RNF213: variants seen among roughly 807,000 people sequenced by gnomAD.
RNF213 encodes ring finger protein 213.
A neutral mutation model predicts 514.4 loss-of-function variants in RNF213; 341 were observed. That is an observed-to-expected ratio of 0.66 (90% CI 0.61 to 0.73). The LOEUF (loss-of-function observed/expected upper bound fraction) is 0.73, where lower values mean the gene tolerates loss of function less well. Ranked by LOEUF, RNF213 falls within the 30% of genes least tolerant of loss-of-function variation. RNF213 has a pLI of 0.00. For synonymous variants in RNF213, 2,655 were observed against 2,658.2 expected (o/e 1.00, Z 0.04); for missense variants, 5,767 against 6,615.6 (o/e 0.87, Z 4.45).
rs1334408870 is a variant in RNF213 at position 80,263,968 on chromosome 17, C to G, written c.97+190C>G. On this transcript the variant is annotated intron_variant, in intron 2 of 67. Coordinates refer to ENST00000582970, the MANE Select transcript of RNF213 (RefSeq NM_001256071.3). The surrounding 1 kb of genome is among the most constrained non-coding windows in gnomAD (Gnocchi z 4.9). ...GACCACAGAGTCTGTTTTGGGGTGGCATAGATTAGTCTCCCACACAGGTCA... is the reference window on the plus strand; with the variant it reads ...GACCACAGAGTCTGTTTTGGGGTGGGATAGATTAGTCTCCCACACAGGTCA... Among the ~76,000 whole-genome samples the G allele has an allele frequency of 6.6e-6, 1 of 152,142 alleles. No individual in the cohort carries two copies. The highest frequency in any genetic ancestry group is 1.5e-5 in the Non-Finnish European group (1 of 68,018).
At chr17:80,323,971 G>A (rs1027777215) in intron 17 of RNF213, among the ~76,000 whole-genome samples, 5 of 152,070 alleles carry the variant, frequency 3.3e-5, no homozygotes, top group Admixed American at 2.6e-4. Flanking sequence ...AGCTCAAATT[G>A]TGTGTGCGTG....
rs1467652406 is a variant in RNF213, at chr17:80,369,503, G to A, written c.12157G>A (p.Glu4053Lys). Reference protein sequence around the residue: ...FSPAVSQAHREAIEKHARFRQ... With the variant: ...FSPAVSQAHRKAIEKHARFRQ... ...GTCTTCTGTTTCTCGTGTTCTAAGG[G>A]AAGCCATTGAAAAGCATGCCCGCTT... Residue 4053 changes from glutamate to lysine, a missense_variant and splice_region_variant, in exon 45 of 68, where the codon GAA (glutamate) becomes AAA (lysine). Glu to Lys is a moderately conservative substitution (Grantham distance 56). This residue lies in a region of RNF213 where 93 missense variants were observed against 95.6 expected (regional missense o/e 0.97). Transcript: ENST00000582970. The A allele has an allele frequency of 5.6e-6, 9 of 1,613,248 alleles. No homozygotes were observed. The highest frequency in any genetic ancestry group is 1.1e-5 in the South Asian group (1 of 91,038).
chr17:80,359,236 A>G (rs2078949533), intron 37 of RNF213, among the ~76,000 whole-genome samples: 1 of 152,000 alleles, frequency 6.6e-6, no homozygotes, highest in Admixed American at 6.5e-5. Context: ...GAATATAGAA[A>G]TAAATGTGCC....
intron 63 of RNF213, among the ~76,000 whole-genome samples, chr17:80,387,953 ATTTTTT>A (rs35624579): frequency 8.1e-5 from 9 of 111,342 alleles, no homozygotes; most frequent in South Asian, 5.3e-4. Flanking sequence ...GAGCCCATGG[ATTTTTT>A]TTTTTTTTTT....
chr17:80,378,013 G>A (rs767675573), intron 54 of RNF213, among the ~76,000 whole-genome samples: 3 of 152,294 alleles, frequency 2.0e-5, no homozygotes, highest in South Asian at 2.1e-4. Flanking sequence ...GTGGCTCTGC[G>A]GCGTGGGCTG....
chr17:80,344,885 C>T lies in RNF213; in HGVS notation c.6550C>T (p.Gln2184Ter). 1 of 1,614,174 alleles carries T rather than the reference C, an allele frequency of 6.2e-7. No individual in the cohort carries two copies. Among genetic ancestry groups the T allele is most frequent in the Non-Finnish European group, 8.5e-7 (1 of 1,180,030 alleles). The part of the protein sequence containing the change: ...FNQNQDLDTF[Q>*]YQEGSVEGTP... ...TCAAAACCAAGACCTAGACACGTTTCAGTATCAAGAAGGCTCTGTCGAAGG... is the reference window on the plus strand; with the variant it reads ...TCAAAACCAAGACCTAGACACGTTTTAGTATCAAGAAGGCTCTGTCGAAGG... The change falls in exon 29 of 68, where the codon CAG (glutamine) becomes TAG (stop). Residue 2184 changes from glutamine (Q) to a stop codon, truncating the protein, a stop_gained. Transcript: ENST00000582970. LOFTEE classifies it high-confidence loss of function.
Position 80,353,182 on chromosome 17 carries a change from C to T in RNF213, c.10423+123C>T. 2.2e-6 allele frequency: 3 copies of T among 1,339,250 alleles called. No individual in the cohort carries two copies. Among genetic ancestry groups the T allele is most frequent in the East Asian group, 2.3e-5 (1 of 42,756 alleles). 83.0% of individuals were successfully genotyped at this position (1,339,250 alleles called of 1,614,324 possible). A position where few individuals can be genotyped will look rare whatever the true frequency, so the allele number is the denominator to read the frequency against. ...CGTGTTTCGTCCCTCGGCAGGAGCTCGGGGACACATCTGCAGAACTGACTG... is the reference window on the plus strand; with the variant it reads ...CGTGTTTCGTCCCTCGGCAGGAGCTTGGGGACACATCTGCAGAACTGACTG... On this transcript the variant is annotated intron_variant, in intron 33 of 67. Coordinates refer to ENST00000582970, the MANE Select transcript of RNF213 (RefSeq NM_001256071.3). The surrounding 1 kb of genome is among the most constrained non-coding windows in gnomAD (Gnocchi z 5.0).
rs146447798 is a variant in RNF213 at position 80,308,857 on chromosome 17, G to A, written c.2502-161G>A. Among the ~76,000 whole-genome samples, 12 of 152,268 alleles carry A rather than the reference G, an allele frequency of 7.9e-5. No homozygotes were observed. In the East Asian group the frequency reaches 2.3e-3, roughly 29 times the overall value. Reference sequence around the variant, plus strand: ...TGCTTCCTTTTTATCTTAGTCACAAGTTCAGGACTGACTGAGATTTTCCAG... The same window carrying A: ...TGCTTCCTTTTTATCTTAGTCACAAATTCAGGACTGACTGAGATTTTCCAG... On this transcript the variant is annotated intron_variant, in intron 13 of 67. Coordinates refer to ENST00000582970, the MANE Select transcript of RNF213 (RefSeq NM_001256071.3).
chr17:80,391,469 C>T (rs935839517), intron 67 of RNF213, among the ~76,000 whole-genome samples: 5 of 152,042 alleles, frequency 3.3e-5, no homozygotes, highest in African/African-American at 7.2e-5. Context: ...GACGGGGTTT[C>T]TCCACGTGGC....
intron 28 of RNF213, 72 bp from the exon 29 acceptor site, chr17:80,344,606 G>A: frequency 1.3e-6 from 2 of 1,533,844 alleles, no homozygotes; most frequent in Non-Finnish European, 1.8e-6. Flanking sequence ...AGATAACGTG[G>A]AGGGTTAAGA....
In RNF213 at chr17:80,298,427, C is replaced by A. The variant is rs149686155; in HGVS notation, c.2119C>A (p.Arg707=). 2 of 1,614,142 alleles carry A rather than the reference C, an allele frequency of 1.2e-6. No homozygotes were observed. The highest frequency in any genetic ancestry group is 2.2e-5 in the South Asian group (2 of 91,078). ...VLHCCMELAP[R]HKDAWRQPED... Reference sequence around the variant, plus strand: ...GCACTGCTGTATGGAGCTGGCCCCGCGGCACAAGGATGCCTGGAGACAGCC... The same window carrying A: ...GCACTGCTGTATGGAGCTGGCCCCGAGGCACAAGGATGCCTGGAGACAGCC... The change falls in exon 11 of 68, where the codon CGG becomes AGG. Residue 707 remains arginine, a synonymous_variant. Coordinates refer to ENST00000582970, the MANE Select transcript of RNF213 (RefSeq NM_001256071.3).
intron 23 of RNF213, chr17:80,336,817 C>G (rs112723210): frequency 1.5e-5 from 5 of 323,804 alleles, no homozygotes; most frequent in African/African-American, 4.3e-5. Flanking sequence ...GACAGAATTG[C>G]TTGAACCCGG....
intron 39 of RNF213, among the ~76,000 whole-genome samples, chr17:80,362,512 C>T (rs1386508180): frequency 6.6e-6 from 1 of 152,234 alleles, no homozygotes; most frequent in African/African-American, 2.4e-5. Flanking sequence ...TTTTAGATAT[C>T]ATGTTTACGT....
At position 80,278,351 on chromosome 17, in the gene RNF213, G is replaced by A. The variant is rs534496333; in HGVS notation, c.261+4947G>A. ...GGCCTGGCCTGGCTGGCCCTGGGGT[G>A]CCCGGGCCTGCCTATACCTTCTGGG... is the stretch of plus-strand genomic sequence containing the variant. On this transcript the variant is annotated intron_variant, in intron 3 of 67. Coordinates refer to ENST00000582970, the MANE Select transcript of RNF213 (RefSeq NM_001256071.3). Among the ~76,000 whole-genome samples the A allele has an allele frequency of 3.7e-3, 568 of 152,358 alleles. 4 individuals carry two copies. Among genetic ancestry groups the A allele is most frequent in the Non-Finnish European group, 5.1e-3 (348 of 68,038 alleles).
chr17:80,336,301 G>T lies in RNF213; in HGVS notation c.4450G>T (p.Asp1484Tyr), dbSNP rs559796330. 6.5e-7 allele frequency: 1 copy of T among 1,537,260 alleles called. No homozygotes were observed. Among genetic ancestry groups the T allele is most frequent in the African/African-American group, 1.4e-5 (1 of 73,182 alleles). Residue 1484 changes from aspartate (D) to tyrosine (Y), a missense_variant, in exon 23 of 68, where the codon GAC (aspartate) becomes TAC (tyrosine). Asp to Tyr is a radical substitution (Grantham distance 160, BLOSUM62 -3). Coordinates refer to ENST00000582970, the MANE Select transcript of RNF213 (RefSeq NM_001256071.3). ...GCTATTTAAGCTGGACCCCAGCGTGGACTTCAGTGCATTCATGAAGCATCT... is the reference window on the plus strand; with the variant it reads ...GCTATTTAAGCTGGACCCCAGCGTGTACTTCAGTGCATTCATGAAGCATCT... The part of the protein sequence containing the change: ...SLLFKLDPSV[D>Y]FSAFMKHLKK...
At chr17:80,327,791 T>TTAA in intron 18 of RNF213, 25 bp from the exon 19 acceptor site, 1 of 1,526,468 alleles carries the variant, frequency 6.6e-7, no homozygotes, top group South Asian at 1.2e-5. Flanking sequence ...GCCCACTGTG[T>TTAA]TAACTGTGTT....
chr17:80,345,648 G>A lies in RNF213; in HGVS notation c.7313G>A (p.Arg2438His), dbSNP rs148213205. Residue 2438 changes from arginine (R) to histidine (H), a missense_variant, in exon 29 of 68, where the codon CGT becomes CAT. By Grantham distance (29) the Arg-to-His change is conservative (BLOSUM62 0). This residue lies in a region of RNF213 where 1,377 missense variants were observed against 1,635.2 expected (regional missense o/e 0.84). Transcript: ENST00000582970. The surrounding 1 kb of genome is among the most constrained non-coding windows in gnomAD (Gnocchi z 6.0). ...ATTAAATTCCTTAGCGACCTGCGGC[G>A]TGGTGGTACCAATGCTGACACCATA... ...RLIKFLSDLR[R>H]GGTNADTIKL... 73 of 1,614,220 alleles carry A rather than the reference G, an allele frequency of 4.5e-5. No homozygotes were observed. Among genetic ancestry groups the A allele is most frequent in the African/African-American group, 2.3e-4 (17 of 75,056 alleles).
intron 8 of RNF213, among the ~76,000 whole-genome samples, chr17:80,292,409 CAGA>C (rs1274435611): frequency 6.6e-6 from 1 of 152,154 alleles, no homozygotes; most frequent in Non-Finnish European, 1.5e-5. Flanking sequence ...AAAACGAAGC[CAGA>C]AGAAGGGCTG....
At chr17:80,267,334 G>A (rs780417520) in intron 2 of RNF213, among the ~76,000 whole-genome samples, 7 of 151,940 alleles carry the variant, frequency 4.6e-5, no homozygotes, top group Non-Finnish European at 8.8e-5. Flanking sequence ...CCAGCTACTC[G>A]GGAGGCTGAG....
Sources: gnomAD v4.1 joint callset for allele counts (sites outside exome capture counted in the v4.1 genomes callset) on GRCh38, gnomAD v4.1.1 for gene constraint, gnomAD v4.1.1 regional missense constraint, Gnocchi (gnomAD v3.1) non-coding constraint, MANE v1.5 for transcripts, NCBI Gene and HGNC (gene_info 2026-07-23, HGNC 2026-07-21) for gene names.